GPC6: variants seen among roughly 807,000 people sequenced by gnomAD.
The protein encoded by GPC6 is glypican 6.
Under a neutral mutation model 55.2 loss-of-function variants are expected in GPC6, and 14 were observed. That is an observed-to-expected ratio of 0.25 (90% CI 0.17 to 0.40). GPC6 has a LOEUF of 0.40. GPC6 is among the 10% of genes least tolerant of loss of function. GPC6 has a pLI of 1.00. For synonymous variants in GPC6, 278 were observed against 259.6 expected (o/e 1.07, Z -0.68); for missense variants, 641 against 708.5 (o/e 0.90, Z 1.08).
rs1305198832 is a variant in GPC6, at chr13:94,369,043, A to G, written c.1153-13371A>G. On this transcript the variant is annotated intron_variant, in intron 6 of 8. Coordinates refer to ENST00000377047, the MANE Select transcript of GPC6 (RefSeq NM_005708.5). ...ACAGATTGTTTTCCAAAGCTTACAAATGACCTCCAGCCTATAAAATATTCA... is the reference window on the plus strand; with the variant it reads ...ACAGATTGTTTTCCAAAGCTTACAAGTGACCTCCAGCCTATAAAATATTCA... Among the ~76,000 whole-genome samples the G allele has an allele frequency of 3.9e-5, 6 of 152,318 alleles. No individual in the cohort carries two copies. In the East Asian group the frequency reaches 9.6e-4, roughly 24 times the overall value.
chr13:94,232,510 C>T (rs1396032691), intron 4 of GPC6, among the ~76,000 whole-genome samples: 1 of 152,028 alleles, frequency 6.6e-6, no homozygotes, highest in East Asian at 1.9e-4. Context: ...AAAGCAATTG[C>T]CCCCCTTCAG....
chr13:93,921,469 A>G (rs1314065380), intron 3 of GPC6, among the ~76,000 whole-genome samples: 1 of 152,094 alleles, frequency 6.6e-6, no homozygotes, highest in Non-Finnish European at 1.5e-5. Flanking sequence ...TTTTATTGCC[A>G]GGTGGAGGTG....
intron 3 of GPC6, among the ~76,000 whole-genome samples, chr13:93,916,332 T>G (rs946120199): frequency 6.6e-5 from 10 of 152,278 alleles, no homozygotes; most frequent in African/African-American, 2.4e-4. Flanking sequence ...CGGCACTTCT[T>G]GCTGCTTTTT....
intron 6 of GPC6, among the ~76,000 whole-genome samples, chr13:94,337,584 A>T (rs1281518197): frequency 6.9e-6 from 1 of 145,786 alleles, no homozygotes; most frequent in Non-Finnish European, 1.5e-5. Flanking sequence ...AGTAGCTGGG[A>T]TTACAGGTGT....
intron 2 of GPC6, among the ~76,000 whole-genome samples, chr13:93,799,258 A>T: frequency 6.6e-6 from 1 of 152,312 alleles, no homozygotes; most frequent in Admixed American, 6.5e-5. Context: ...TGTGTTAGGT[A>T]TTTGAAAACA....
At chr13:93,437,720 A>G (rs2139283648) in intron 1 of GPC6, among the ~76,000 whole-genome samples, 1 of 152,358 alleles carries the variant, frequency 6.6e-6, no homozygotes, top group South Asian at 2.1e-4. Context: ...GTGAAGCAGC[A>G]GGTGCTGATG....
chr13:94,140,466 A>G (rs1887335064), intron 4 of GPC6, among the ~76,000 whole-genome samples: 1 of 152,174 alleles, frequency 6.6e-6, no homozygotes, highest in African/African-American at 2.4e-5. Flanking sequence ...TGAAACTCCC[A>G]TTTGTCTTCC....
intron 6 of GPC6, among the ~76,000 whole-genome samples, chr13:94,309,550 A>G (rs146584456): frequency 6.6e-6 from 1 of 152,206 alleles, no homozygotes; most frequent in African/African-American, 2.4e-5. Context: ...ATTCTTTTGT[A>G]TCTCTAGGGA....
intron 6 of GPC6, among the ~76,000 whole-genome samples, chr13:94,374,543 G>A (rs199751185): frequency 1.7e-5 from 2 of 115,538 alleles, no homozygotes; most frequent in Non-Finnish European, 3.6e-5. Context: ...CAATACAGGA[G>A]CACCAAGATT....
intron 2 of GPC6, among the ~76,000 whole-genome samples, chr13:93,681,690 G>A (rs576534831): frequency 6.6e-6 from 1 of 152,174 alleles, no homozygotes; most frequent in East Asian, 1.9e-4. Context: ...TTTAAAGGAA[G>A]CAATCCATTT....
At chr13:94,173,334 A>G (rs1888637222) in intron 4 of GPC6, among the ~76,000 whole-genome samples, 1 of 152,194 alleles carries the variant, frequency 6.6e-6, no homozygotes, top group Non-Finnish European at 1.5e-5. Flanking sequence ...ACTATTCAGC[A>G]TAGCTCTTTG....
At chr13:93,988,082 C>T (rs767764930) in intron 3 of GPC6, among the ~76,000 whole-genome samples, 20 of 152,128 alleles carry the variant, frequency 1.3e-4, no homozygotes, top group Non-Finnish European at 2.5e-4. Context: ...AAATGTGACT[C>T]GGCCTCAGAA....
intron 2 of GPC6, among the ~76,000 whole-genome samples, chr13:93,737,017 C>G (rs1884028715): frequency 6.6e-6 from 1 of 152,202 alleles, no homozygotes; most frequent in Admixed American, 6.5e-5. Context: ...TCTCCATTTT[C>G]CAATATGCCA....
chr13:93,567,928 A>T (rs940237571), intron 2 of GPC6, among the ~76,000 whole-genome samples: 1 of 152,190 alleles, frequency 6.6e-6, no homozygotes, highest in Non-Finnish European at 1.5e-5. Context: ...AGTCCATAAC[A>T]TGCCAAGCTC....
chr13:93,561,763 C>T (rs576530533), intron 2 of GPC6, among the ~76,000 whole-genome samples: 19 of 152,232 alleles, frequency 1.2e-4, no homozygotes, highest in African/African-American at 4.6e-4. Flanking sequence ...CAGCTGGCAA[C>T]GTTAGTATCC....
chr13:93,218,827 A>G, the GPC6 span, among the ~76,000 whole-genome samples: 1 of 152,190 alleles, frequency 6.6e-6, no homozygotes, highest in African/African-American at 2.4e-5. Context: ...ATGTCCACGT[A>G]TATTCACTCC....
At chr13:93,608,105 C>T (rs1878322014) in intron 2 of GPC6, among the ~76,000 whole-genome samples, 1 of 152,096 alleles carries the variant, frequency 6.6e-6, no homozygotes, top group Admixed American at 6.5e-5. Context: ...TTGACTGATT[C>T]CCAATACTGT....
rs2139235265 is a variant in GPC6, at chr13:94,403,816, T to C, written c.*599T>C. 1 of 164,886 alleles carries C rather than the reference T, an allele frequency of 6.1e-6. No homozygotes were observed. The highest frequency in any genetic ancestry group is 1.7e-4 in the East Asian group (1 of 5,890). 10.2% of individuals were successfully genotyped at this position (164,886 alleles called of 1,614,324 possible). On this transcript the variant is annotated 3_prime_UTR_variant, in exon 9 of 9. Coordinates refer to ENST00000377047, the MANE Select transcript of GPC6 (RefSeq NM_005708.5). The stretch of plus-strand genomic sequence containing the variant: ...TTGTCTTGGAGGTATCATCTTGCAC[T>C]CTAACCAAACAACACCAAATTAATC...
chr13:93,788,517 T>TTACACA (rs1371323725), intron 2 of GPC6, among the ~76,000 whole-genome samples: 1 of 71,682 alleles, frequency 1.4e-5, no homozygotes, highest in Non-Finnish European at 2.8e-5. Flanking sequence ...TGTTCACTCT[T>TTACACA]TACACACACA....
Sources: gnomAD v4.1 joint callset for allele counts (sites outside exome capture counted in the v4.1 genomes callset) on GRCh38, gnomAD v4.1.1 for gene constraint, MANE v1.5 for transcripts, NCBI Gene and HGNC (gene_info 2026-07-23, HGNC 2026-07-21) for gene names.